Variants in EDRF1 observed in about 807,000 individuals in gnomAD.
EDRF1 encodes the protein erythroid differentiation regulatory factor 1, also known as erythroid differentiation-related factor 1.
In EDRF1, 69 loss-of-function variants were observed where a neutral mutation model predicts 148.7. The ratio of observed to expected loss-of-function variants is 0.46; its 90% CI spans 0.38 to 0.57. EDRF1 has a LOEUF of 0.57. Among genes scored for constraint, EDRF1 ranks in the 20% least tolerant of loss-of-function variants. EDRF1 has a pLI of 0.00. For missense variants in EDRF1, 1,118 were observed against 1,478.7 expected, an observed-to-expected ratio of 0.76 and a Z score of 4.00; for synonymous variants, 515 against 532.8, an observed-to-expected ratio of 0.97 and a Z score of 0.46.
At chr10:125,743,019 C>G in intron 17 of EDRF1, 39 bp from the exon 18 acceptor site, 1 of 1,607,102 alleles carries the variant, frequency 6.2e-7, no homozygotes, top group Non-Finnish European at 8.5e-7. Flanking sequence ...AAGAAGGAAT[C>G]ACATGATTCG....
rs1030185560 is a variant in EDRF1, at chr10:125,743,983, C to T, written c.2590+707C>T. Among the ~76,000 whole-genome samples, 5 of 152,156 alleles carry T rather than the reference C, an allele frequency of 3.3e-5. No individual in the cohort carries two copies. In the South Asian group the frequency reaches 1.0e-3, roughly 31 times the overall value. The stretch of plus-strand genomic sequence containing the variant: ...TGGGCCCATGTTGAATTTGAGTTCA[C>T]TATGGAACATGTATGTGAAAGGTAT... On this transcript the variant is annotated intron_variant, in intron 18 of 24. Transcript: ENST00000356792.
intron 22 of EDRF1, among the ~76,000 whole-genome samples, chr10:125,752,415 T>G (rs1055511433): frequency 9.2e-5 from 14 of 152,204 alleles, no homozygotes; most frequent in African/African-American, 3.1e-4. Flanking sequence ...AACAGAGATG[T>G]AATAAACTAT....
chr10:125,741,950 T>C (rs1488045214), intron 17 of EDRF1, among the ~76,000 whole-genome samples: 2 of 152,184 alleles, frequency 1.3e-5, no homozygotes, highest in Non-Finnish European at 2.9e-5. Context: ...CACCTTGGCC[T>C]CCCAAAGTGC....
intron 2 of EDRF1, among the ~76,000 whole-genome samples, chr10:125,722,177 T>C (rs9804356): frequency 0.62 from 94,405 of 152,134 alleles, 32,144 homozygotes; most frequent in East Asian, 0.79. Context: ...AACCCAAATA[T>C]CATTTTTTAA....
At chr10:125,742,223 T>G in intron 17 of EDRF1, 1 of 1,289,394 alleles carries the variant, frequency 7.8e-7, no homozygotes, top group Non-Finnish European at 1.0e-6. Flanking sequence ...TTGTCAGGCT[T>G]TAAAACTGGG....
At chr10:125,723,014 T>C (rs1408892062) in intron 2 of EDRF1, 54 bp from the exon 3 acceptor site, 30 of 1,376,864 alleles carry the variant, frequency 2.2e-5, no homozygotes, top group Non-Finnish European at 2.5e-5. Flanking sequence ...TAAGCTCTAC[T>C]TGCATGATTA....
At chr10:125,745,468 C>T in intron 18 of EDRF1, 1 of 562,532 alleles carries the variant, frequency 1.8e-6, no homozygotes, top group Non-Finnish European at 3.2e-6. Flanking sequence ...AGGACCTGTC[C>T]TAAATACAGT....
rs1187539100 is a variant in EDRF1 at position 125,740,642 on chromosome 10, C to G, written c.2161C>G (p.Gln721Glu). 6.2e-7 allele frequency: 1 copy of G among 1,613,478 alleles called. No homozygotes were observed. Among genetic ancestry groups the G allele is most frequent in the East Asian group, 2.2e-5 (1 of 44,870 alleles). Reference protein sequence around the residue: ...RALRYIKLALQSHDTYCCLCT... With the variant: ...RALRYIKLALESHDTYCCLCT... ...ATTACGATACATTAAATTAGCTTTG[C>G]AAAGCCATGGTAAGCCACTATAAAT... The change falls in exon 16 of 25, where the codon CAA (glutamine) becomes GAA (glutamate). Residue 721 changes from glutamine to glutamate, a missense_variant. This residue lies in a region of EDRF1 where 954 missense variants were observed against 1,241.4 expected (regional missense o/e 0.77). Transcript: ENST00000356792.
At chr10:125,760,366 T>A (rs1240520732) in intron 24 of EDRF1, among the ~76,000 whole-genome samples, 2 of 152,226 alleles carry the variant, frequency 1.3e-5, no homozygotes, top group Non-Finnish European at 2.9e-5. Flanking sequence ...ATGACCTAAG[T>A]AATTTTTATT....
chr10:125,737,654 A>G (rs1455637302), intron 13 of EDRF1, among the ~76,000 whole-genome samples: 1 of 152,226 alleles, frequency 6.6e-6, no homozygotes, highest in East Asian at 1.9e-4. Context: ...TGTTTTGTCC[A>G]GTATCGGTGC....
chr10:125,729,266 T>A, intron 7 of EDRF1, 92 bp from the exon 8 acceptor site: 2 of 1,541,886 alleles, frequency 1.3e-6, no homozygotes, highest in South Asian at 2.3e-5. Context: ...CTTTGTCTTC[T>A]TTGTCTCTTC....
Position 125,740,999 on chromosome 10 carries a change from A to C in EDRF1, c.2171-2A>C. ...TTTCTTCTTCCCTCCCTTTCTAAAC[A>C]GATACTTATTGCTGCCTCTGCACCA... On this transcript the variant is annotated splice_acceptor_variant, in intron 16 of 24. Coordinates refer to ENST00000356792, the MANE Select transcript of EDRF1 (RefSeq NM_001202438.2). LOFTEE classifies it high-confidence loss of function. 1.2e-6 allele frequency: 2 copies of C among 1,613,856 alleles called. No homozygotes were observed. Among genetic ancestry groups the C allele is most frequent in the Non-Finnish European group, 1.7e-6 (2 of 1,179,944 alleles).
intron 24 of EDRF1, among the ~76,000 whole-genome samples, chr10:125,762,265 A>C (rs1315160099): frequency 6.6e-6 from 1 of 152,218 alleles, no homozygotes; most frequent in Non-Finnish European, 1.5e-5. Context: ...GTGAAAGAGC[A>C]TAGCATTTGA....
intron 12 of EDRF1, 112 bp from the exon 13 acceptor site, chr10:125,735,532 T>C: frequency 2.0e-6 from 2 of 1,003,858 alleles, no homozygotes; most frequent in Non-Finnish European, 3.0e-6. Flanking sequence ...ACAGTCTATA[T>C]GGTGGAAACA....
chr10:125,725,416 A>C lies in EDRF1; in HGVS notation c.609A>C (p.Ala203=), dbSNP rs1346257995. The change falls in exon 5 of 25, where the codon GCA becomes GCC. Residue 203 remains alanine (A), a synonymous_variant. Transcript: ENST00000356792. ...KKSKEHWYQK[A]ILSKFLYYSI... is the part of the protein sequence containing the mutation. Reference sequence around the variant, plus strand: ...GCAAAGAGCACTGGTATCAAAAGGCAATTCTTTCCAAGTTTTTATATTACA... The same window carrying C: ...GCAAAGAGCACTGGTATCAAAAGGCCATTCTTTCCAAGTTTTTATATTACA... 6.2e-7 allele frequency: 1 copy of C among 1,613,910 alleles called. No homozygotes were observed. Among genetic ancestry groups the C allele is most frequent in the South Asian group, 1.1e-5 (1 of 91,088 alleles).
Position 125,745,922 on chromosome 10 carries a change from TATA to T in EDRF1, c.2811_2813del (p.Asn937del). The T allele has an allele frequency of 6.2e-7, 1 of 1,614,132 alleles. No homozygotes were observed. Among genetic ancestry groups the T allele is most frequent in the Non-Finnish European group, 8.5e-7 (1 of 1,180,006 alleles). Reference sequence around the variant, plus strand: ...ATTTTCACCAGAAGAAGGCTTGTATTATAATAAGGTAACACATTCGCGTACATG... The same window carrying T: ...ATTTTCACCAGAAGAAGGCTTGTATTATAAGGTAACACATTCGCGTACATG... On this transcript the variant is annotated inframe_deletion, in exon 19 of 25. Transcript: ENST00000356792.
rs1157134088 is a variant in EDRF1 at position 125,763,959 on chromosome 10, AT to A, written c.*492del. 4 of 167,434 alleles carry A rather than the reference AT, an allele frequency of 2.4e-5. No individual in the cohort carries two copies. The highest frequency in any genetic ancestry group is 1.7e-4 in the Admixed American group (3 of 17,648). The allele number at this position is 167,434 out of a possible 1,614,324, so 10.4% of individuals were successfully genotyped here. A position where few individuals can be genotyped will look rare whatever the true frequency, so the allele number is the denominator to read the frequency against. Reference sequence around the variant, plus strand: ...TGTTCTTCATAAGCTTCAGTGCAGGATTTTTCAAAGACGAGCTGTTGTGCAA... The same window carrying A: ...TGTTCTTCATAAGCTTCAGTGCAGGATTTTCAAAGACGAGCTGTTGTGCAA... On this transcript the variant is annotated 3_prime_UTR_variant, in exon 25 of 25. Coordinates refer to ENST00000356792, the MANE Select transcript of EDRF1 (RefSeq NM_001202438.2). This position sits in a 1 kb window ranked among gnomAD's most constrained non-coding sequence, Gnocchi z 4.3.
chr10:125,725,970 A>C, intron 6 of EDRF1, 132 bp downstream of exon 6: 1 of 1,024,406 alleles, frequency 9.8e-7, no homozygotes, highest in Non-Finnish European at 1.4e-6. Flanking sequence ...GGGAAAAAAG[A>C]CTTCTGTCAA....
In EDRF1 at chr10:125,753,824, C is replaced by G. The variant is rs769700461; in HGVS notation, c.3524C>G (p.Ser1175Cys). 3.1e-6 allele frequency: 5 copies of G among 1,612,956 alleles called. No homozygotes were observed. In the Admixed American group the frequency reaches 8.3e-5, roughly 27 times the overall value. The change falls in exon 24 of 25, where the codon TCT becomes TGT. Residue 1175 changes from serine to cysteine, a missense_variant. Around this residue, in one of 3 missense-constraint regions of EDRF1, gnomAD observed 954 missense variants for 1,241.4 expected, o/e 0.77. Transcript: ENST00000356792. ...CTCCTTCAGTCCATTAAACTGCTAT[C>G]TTCAACTAAAAAGAAAACAAGGTAA... ...FLLLQSIKLL[S>C]STKKKTSNNI...
Sources: allele counts gnomAD v4.1 joint callset (sites outside exome capture counted in the v4.1 genomes callset), GRCh38; gene constraint gnomAD v4.1.1; regional missense constraint gnomAD v4.1.1; non-coding constraint Gnocchi (gnomAD v3.1); transcripts MANE v1.5; gene names NCBI Gene and HGNC (gene_info 2026-07-23, HGNC 2026-07-21).